The following CNTN5 variants were observed in gnomAD, a reference collection of about 807,000 sequenced individuals.
The protein encoded by CNTN5 is contactin-5.
Under a neutral mutation model 129.1 loss-of-function variants are expected in CNTN5, and 77 were observed. That is an observed-to-expected ratio of 0.60 (90% CI 0.50 to 0.72). The LOEUF (loss-of-function observed/expected upper bound fraction) is 0.72. Ranked by LOEUF, CNTN5 falls within the 30% of genes least tolerant of loss-of-function variation. The pLI is 0.00. For missense variants in CNTN5, 1,478 were observed against 1,328.8 expected, an observed-to-expected ratio of 1.11 and a Z score of -1.75; for synonymous variants, 509 against 465.6, an observed-to-expected ratio of 1.09 and a Z score of -1.20.
At chr11:99,601,894 T>G (rs1247835256) in intron 3 of CNTN5, among the ~76,000 whole-genome samples, 3 of 152,200 alleles carry the variant, frequency 2.0e-5, no homozygotes, top group African/African-American at 7.2e-5. Context: ...GTAGAGAGTA[T>G]GCCATATACC....
intron 1 of CNTN5, among the ~76,000 whole-genome samples, chr11:99,155,707 A>C (rs1860302601): frequency 6.6e-6 from 1 of 152,232 alleles, no homozygotes; most frequent in Non-Finnish European, 1.5e-5. Flanking sequence ...GCAGGCAATA[A>C]AAAGACTACT....
intron 1 of CNTN5, among the ~76,000 whole-genome samples, chr11:99,265,263 A>G (rs886928312): frequency 1.3e-5 from 2 of 152,046 alleles, no homozygotes; most frequent in African/African-American, 4.8e-5. Flanking sequence ...ATAGTCACAC[A>G]TATTGTAGAA....
chr11:100,067,522 A>G (rs544430899), intron 10 of CNTN5, among the ~76,000 whole-genome samples: 2 of 152,096 alleles, frequency 1.3e-5, no homozygotes, highest in African/African-American at 4.8e-5. Context: ...AAAGCTACAG[A>G]AGTATAGCTC....
chr11:100,222,787 T>C (rs922483084), intron 15 of CNTN5, among the ~76,000 whole-genome samples: 1 of 151,974 alleles, frequency 6.6e-6, no homozygotes, highest in African/African-American at 2.4e-5. Flanking sequence ...TAGACATAGG[T>C]CCTATTCTGG....
intron 19 of CNTN5, 43 bp from the exon 20 acceptor site, chr11:100,299,119 A>G (rs199747849): frequency 7.8e-7 from 1 of 1,275,202 alleles, no homozygotes; most frequent in African/African-American, 1.5e-5. Context: ...TGGATTTTTA[A>G]TCAATCATTT....
At chr11:99,074,689 C>T (rs1336912596) in intron 1 of CNTN5, among the ~76,000 whole-genome samples, 1 of 152,058 alleles carries the variant, frequency 6.6e-6, no homozygotes, top group African/African-American at 2.4e-5. Context: ...CTGTTTACAT[C>T]ATGCATTTTT....
intron 3 of CNTN5, among the ~76,000 whole-genome samples, chr11:99,803,808 T>G (rs1946186949): frequency 6.6e-6 from 1 of 152,148 alleles, no homozygotes; most frequent in African/African-American, 2.4e-5. Flanking sequence ...TACGTCCCGT[T>G]ACAGTGCTCT....
chr11:99,475,049 T>C (rs1481762908), intron 2 of CNTN5, among the ~76,000 whole-genome samples: 1 of 152,036 alleles, frequency 6.6e-6, no homozygotes, highest in Non-Finnish European at 1.5e-5. Flanking sequence ...TTAGACCATG[T>C]AAGATCCACC....
In CNTN5 at chr11:100,306,754, A is replaced by G. The variant is rs142902209; in HGVS notation, c.2621-1605A>G. Among the ~76,000 whole-genome samples the G allele has an allele frequency of 3.3e-5, 5 of 151,852 alleles. No individual in the cohort carries two copies. In the East Asian group the frequency reaches 7.8e-4, roughly 24 times the overall value. On this transcript the variant is annotated intron_variant, in intron 20 of 24. Coordinates refer to ENST00000524871, the MANE Select transcript of CNTN5 (RefSeq NM_014361.4). ...CTAGAATAAGATAGAAGATTTTTCC[A>G]GAATGCATGTTTTAAATTGGACAGA... is the stretch of plus-strand genomic sequence containing the variant.
At chr11:99,202,079 A>C (rs2135633586) in intron 1 of CNTN5, among the ~76,000 whole-genome samples, 1 of 152,314 alleles carries the variant, frequency 6.6e-6, no homozygotes, top group South Asian at 2.1e-4. Context: ...CCTAATAGAA[A>C]AATTTTACAT....
intron 1 of CNTN5, among the ~76,000 whole-genome samples, chr11:99,245,655 A>G (rs900261486): frequency 1.3e-5 from 2 of 152,148 alleles, no homozygotes; most frequent in Non-Finnish European, 2.9e-5. Context: ...TATGGACAGT[A>G]GAGACCAGAA....
intron 3 of CNTN5, among the ~76,000 whole-genome samples, chr11:99,740,763 G>C (rs1031894723): frequency 2.6e-5 from 4 of 152,096 alleles, no homozygotes; most frequent in African/African-American, 9.7e-5. Flanking sequence ...TAGTGAATTT[G>C]AACATTTTTA....
chr11:100,146,709 G>A (rs979900803), intron 13 of CNTN5, among the ~76,000 whole-genome samples: 3 of 151,900 alleles, frequency 2.0e-5, no homozygotes, highest in Non-Finnish European at 4.4e-5. Context: ...TTCTGTTTGG[G>A]CATTTTATAC....
At chr11:99,969,297 C>T (rs2136220236) in intron 8 of CNTN5, among the ~76,000 whole-genome samples, 1 of 152,166 alleles carries the variant, frequency 6.6e-6, no homozygotes, top group Admixed American at 6.5e-5. Context: ...GATTGCCTGT[C>T]ATTGTAATTC....
In CNTN5 at chr11:99,185,214, G is replaced by C. The variant is rs147171534; in HGVS notation, c.-209-140132G>C. ...TTTGGAAGGATATTGTGTAGAGAGGGTGAGCATAGGAAGAGATGAGGTGCC... is the reference window on the plus strand; with the variant it reads ...TTTGGAAGGATATTGTGTAGAGAGGCTGAGCATAGGAAGAGATGAGGTGCC... On this transcript the variant is annotated intron_variant, in intron 1 of 24. Transcript: ENST00000524871. Among the ~76,000 whole-genome samples the C allele has an allele frequency of 1.3e-3, 200 of 151,852 alleles. 1 individual carries two copies. The highest frequency in any genetic ancestry group is 0.012 in the South Asian group (57 of 4,820).
chr11:99,671,449 TTGTGTGCA>T (rs1172607459), intron 3 of CNTN5, among the ~76,000 whole-genome samples: 1 of 152,128 alleles, frequency 6.6e-6, no homozygotes, highest in African/African-American at 2.4e-5. Context: ...GCTGGTGAAT[TTGTGTGCA>T]TGTGTGCGTG....
intron 16 of CNTN5, among the ~76,000 whole-genome samples, chr11:100,251,241 A>G (rs1408379306): frequency 3.3e-5 from 5 of 152,022 alleles, no homozygotes; most frequent in African/African-American, 1.2e-4. Context: ...CGATTTTCTC[A>G]TGTAGATGCT....
At position 100,109,298 on chromosome 11, in the gene CNTN5, C is replaced by T. The variant is rs183362086; in HGVS notation, c.1580+35004C>T. On this transcript the variant is annotated intron_variant, in intron 13 of 24. Coordinates refer to ENST00000524871, the MANE Select transcript of CNTN5 (RefSeq NM_014361.4). ...AAAATTAGCCAGGCGTGTTGACAGG[C>T]GCTTGTAATCCCAGCTACTCGGGAG... Among the ~76,000 whole-genome samples, 17 of 152,198 alleles carry T rather than the reference C, an allele frequency of 1.1e-4. No homozygotes were observed. The East Asian group carries it at 2.5e-3, about 23-fold the overall frequency.
At chr11:99,795,285 C>A (rs1165408371) in intron 3 of CNTN5, among the ~76,000 whole-genome samples, 1 of 152,110 alleles carries the variant, frequency 6.6e-6, no homozygotes, top group African/African-American at 2.4e-5. Flanking sequence ...CAGTTTGATT[C>A]TTAAAATGGC....
Sources: allele counts gnomAD v4.1 joint callset (sites outside exome capture counted in the v4.1 genomes callset), GRCh38; gene constraint gnomAD v4.1.1; transcripts MANE v1.5; gene names NCBI Gene and HGNC (gene_info 2026-07-23, HGNC 2026-07-21).